The following ABCC3 variants were observed in gnomAD, a reference collection of about 807,000 sequenced individuals.
ABCC3 encodes the protein ATP binding cassette subfamily C member 3.
Under a neutral mutation model 165.3 loss-of-function variants are expected in ABCC3, and 121 were observed. The ratio of observed to expected loss-of-function variants is 0.73; its 90% confidence interval spans 0.63 to 0.85. The LOEUF (loss-of-function observed/expected upper bound fraction) is 0.85, where lower values mean the gene tolerates loss of function less well. Ranked by LOEUF, ABCC3 falls within the 40% of genes least tolerant of loss-of-function variation. The pLI, the probability that ABCC3 is intolerant of heterozygous loss-of-function variation, is 0.00. For missense variants in ABCC3, 1,869 were observed against 1,964.1 expected, an observed-to-expected ratio of 0.95 and a Z score of 0.92; for synonymous variants, 733 against 810.1, an observed-to-expected ratio of 0.90 and a Z score of 1.62.
Position 50,657,188 on chromosome 17 carries a change from G to A in ABCC3, c.486+5G>A. ...ATCCTTTTAGCCAAGGCAGAGGTAA[G>A]GTTGGGGGAGAGGGGAACCTGCCAG... On this transcript the variant is annotated splice_donor_5th_base_variant and intron_variant, in intron 4 of 30. Coordinates refer to ENST00000285238, the MANE Select transcript of ABCC3 (RefSeq NM_003786.4). 4 of 1,613,350 alleles carry A rather than the reference G, an allele frequency of 2.5e-6. No individual in the cohort carries two copies. Among genetic ancestry groups the A allele is most frequent in the Non-Finnish European group, 3.4e-6 (4 of 1,179,594 alleles).
chr17:50,661,213 A>G (rs1182457913), intron 8 of ABCC3, 99 bp downstream of exon 8: 3 of 1,262,660 alleles, frequency 2.4e-6, no homozygotes, highest in Non-Finnish European at 3.2e-6. Context: ...AGAACCCCAG[A>G]CCAGGAACCA....
chr17:50,680,771 G>C (rs1372916494), intron 26 of ABCC3, among the ~76,000 whole-genome samples: 1 of 151,998 alleles, frequency 6.6e-6, no homozygotes, highest in Non-Finnish European at 1.5e-5. Context: ...TGCCTGCACT[G>C]AGCACTTAAA....
At chr17:50,667,508 A>G (rs2146620044) in intron 11 of ABCC3, 46 bp from the exon 12 acceptor site, 1 of 1,547,444 alleles carries the variant, frequency 6.5e-7, no homozygotes. Context: ...GCAGGAGGTC[A>G]GGGGAGGGAG....
Position 50,669,171 on chromosome 17 carries a change from G to T in ABCC3, c.1969G>T (p.Val657Leu), listed in dbSNP as rs1333684851. 1 of 1,603,686 alleles carries T rather than the reference G, an allele frequency of 6.2e-7. No individual in the cohort carries two copies. The highest frequency in any genetic ancestry group is 8.5e-7 in the Non-Finnish European group (1 of 1,177,186). The change falls in exon 16 of 31, where the codon GTG becomes TTG. Residue 657 changes from valine to leucine, a missense_variant. Val to Leu is a conservative substitution (Grantham distance 32). Coordinates refer to ENST00000285238, the MANE Select transcript of ABCC3 (RefSeq NM_003786.4). Reference sequence around the variant, plus strand: ...CATCCAGGTCCCGAAAGGGGCACTGGTGGCCGTGGTGGGGCCTGTGGGCTG... The same window carrying T: ...CATCCAGGTCCCGAAAGGGGCACTGTTGGCCGTGGTGGGGCCTGTGGGCTG... ...LDIQVPKGALVAVVGPVGCGK... is the reference protein window; with the variant it reads ...LDIQVPKGALLAVVGPVGCGK...
chr17:50,643,617 G>A (rs988936096), intron 1 of ABCC3: 7 of 456,188 alleles, frequency 1.5e-5, no homozygotes, highest in African/African-American at 1.2e-4. Flanking sequence ...TGACGCTCCA[G>A]GGAAGGGGAT....
chr17:50,651,086 G>A (rs80092489), intron 1 of ABCC3, among the ~76,000 whole-genome samples: 2,437 of 89,350 alleles, frequency 0.027, 1 homozygote, highest in Middle Eastern at 0.035. Flanking sequence ...AAAAAAAAAA[G>A]AATTCTTAAC....
At position 50,675,587 on chromosome 17, in the gene ABCC3, G is replaced by T. The variant is rs779618721; in HGVS notation, c.2715-44G>T. ...ACACTCCCAGCCTCTGTCCTGGGGG[G>T]TGCTTGAGGCCCCCTCCCTGGGCCT... On this transcript the variant is annotated intron_variant, in intron 20 of 30. Transcript: ENST00000285238. The T allele has an allele frequency of 1.7e-5, 26 of 1,560,848 alleles. No individual in the cohort carries two copies. In the African/African-American group the frequency reaches 3.0e-4, roughly 18 times the overall value.
chr17:50,676,652 G>C, intron 23 of ABCC3, 64 bp downstream of exon 23: 1 of 1,315,920 alleles, frequency 7.6e-7, no homozygotes, highest in South Asian at 1.4e-5. Flanking sequence ...CACATGGGCG[G>C]GGGCAGCAGG....
Position 50,675,882 on chromosome 17 carries a change from G to T in ABCC3, c.2860-1G>T, listed in dbSNP as rs1275647703. On this transcript the variant is annotated splice_acceptor_variant, in intron 21 of 30. Transcript: ENST00000285238. LOFTEE classifies it high-confidence loss of function. ...CTGACTGCCATGGCTGCTCCCTACA[G>T]GTGGAGCTCAGTGTGTTCTGGGATT... is the stretch of plus-strand genomic sequence containing the variant. 6.2e-7 allele frequency: 1 copy of T among 1,613,998 alleles called. No homozygotes were observed. The highest frequency in any genetic ancestry group is 8.5e-7 in the Non-Finnish European group (1 of 1,180,032).
At chr17:50,645,745 G>A (rs948520241) in intron 1 of ABCC3, among the ~76,000 whole-genome samples, 1 of 152,124 alleles carries the variant, frequency 6.6e-6, no homozygotes. Flanking sequence ...GACTACAGGT[G>A]CCTGTCACCA....
chr17:50,653,344 C>CAAAA (rs1298179994), intron 1 of ABCC3, among the ~76,000 whole-genome samples: 2 of 47,756 alleles, frequency 4.2e-5, no homozygotes, highest in African/African-American at 1.4e-4. Flanking sequence ...GAGACTGTCT[C>CAAAA]AAAAAAAAAA....
chr17:50,650,329 A>T (rs1357645245), intron 1 of ABCC3, among the ~76,000 whole-genome samples: 1 of 151,714 alleles, frequency 6.6e-6, no homozygotes, highest in Non-Finnish European at 1.5e-5. Flanking sequence ...CTGGGCTCGA[A>T]CTCCTGACCT....
At chr17:50,685,270 T>C (rs1205870785) in intron 29 of ABCC3, among the ~76,000 whole-genome samples, 5 of 152,364 alleles carry the variant, frequency 3.3e-5, no homozygotes, top group Admixed American at 1.3e-4. Flanking sequence ...CACTGGGCTA[T>C]GCACTGGAGG....
At chr17:50,656,899 T>C in intron 3 of ABCC3, 72 bp downstream of exon 3, 1 of 1,553,320 alleles carries the variant, frequency 6.4e-7, no homozygotes, top group African/African-American at 1.4e-5. Flanking sequence ...AGGGAAACTG[T>C]GGGCTCTGAG....
chr17:50,643,074 A>G (rs536423392), intron 1 of ABCC3, among the ~76,000 whole-genome samples: 30 of 152,304 alleles, frequency 2.0e-4, no homozygotes, highest in African/African-American at 7.2e-4. Context: ...AGGGGCCTTT[A>G]TTTTCCTCAC....
intron 26 of ABCC3, among the ~76,000 whole-genome samples, chr17:50,682,933 G>A: frequency 6.6e-6 from 1 of 152,114 alleles, no homozygotes; most frequent in East Asian, 1.9e-4. Flanking sequence ...TGGCACAGTG[G>A]CTCACACCTG....
intron 30 of ABCC3, among the ~76,000 whole-genome samples, chr17:50,690,279 C>A (rs1223664625): frequency 6.6e-6 from 1 of 151,934 alleles, no homozygotes; most frequent in African/African-American, 2.4e-5. Context: ...TCAGTCCTTA[C>A]CCAAGAGCAA....
intron 1 of ABCC3, among the ~76,000 whole-genome samples, chr17:50,637,817 G>A (rs2146583201): frequency 6.6e-6 from 1 of 152,388 alleles, no homozygotes; most frequent in South Asian, 2.1e-4. Context: ...GGGGTTAGAA[G>A]AAAATGTCAG....
chr17:50,673,902 TTC>T (rs1491137211), intron 19 of ABCC3, among the ~76,000 whole-genome samples: 8 of 9,286 alleles, frequency 8.6e-4, no homozygotes. Context: ...AGAGCCTGTT[TTC>T]TTTCTTTCTT....
Sources: allele counts gnomAD v4.1 joint callset (sites outside exome capture counted in the v4.1 genomes callset), GRCh38; gene constraint gnomAD v4.1.1; transcripts MANE v1.5; gene names NCBI Gene and HGNC (gene_info 2026-07-23, HGNC 2026-07-21).